The following CAMKMT variants were observed in gnomAD, a reference collection of about 807,000 sequenced individuals.
CAMKMT encodes calmodulin-lysine N-methyltransferase, also known as CaM KMT.
Under a neutral mutation model 48.0 loss-of-function variants are expected in CAMKMT, and 53 were observed. That is an observed-to-expected ratio of 1.10 (90% CI 0.89 to 1.39). The LOEUF is 1.39. Ranked by LOEUF, CAMKMT falls within the 40% of genes most tolerant of loss-of-function variation. CAMKMT has a pLI of 0.00. For synonymous variants in CAMKMT, 165 were observed against 152.3 expected, an observed-to-expected ratio of 1.08 and a Z score of -0.61; for missense variants, 428 against 402.7, an observed-to-expected ratio of 1.06 and a Z score of -0.54.
At chr2:44,552,389 C>T (rs916047237) in intron 3 of CAMKMT, among the ~76,000 whole-genome samples, 1 of 152,070 alleles carries the variant, frequency 6.6e-6, no homozygotes, top group African/African-American at 2.4e-5. Flanking sequence ...ATTTACCTAT[C>T]TAGTGCTTGA....
intron 3 of CAMKMT, among the ~76,000 whole-genome samples, chr2:44,578,936 T>A (rs1669389921): frequency 6.6e-6 from 1 of 152,192 alleles, no homozygotes; most frequent in Non-Finnish European, 1.5e-5. Flanking sequence ...AAAAGTTGAT[T>A]CATTGTGTAT....
At chr2:44,511,616 G>A (rs924762456) in intron 3 of CAMKMT, among the ~76,000 whole-genome samples, 3 of 152,174 alleles carry the variant, frequency 2.0e-5, no homozygotes, top group Non-Finnish European at 4.4e-5. Context: ...TGGCTGACTA[G>A]TATTTCACGT....
At chr2:44,570,514 A>T (rs1009183773) in intron 3 of CAMKMT, among the ~76,000 whole-genome samples, 8 of 152,184 alleles carry the variant, frequency 5.3e-5, no homozygotes, top group Non-Finnish European at 2.9e-5. Context: ...CATAATAGAG[A>T]TATCTGTTCA....
intron 3 of CAMKMT, among the ~76,000 whole-genome samples, chr2:44,408,569 C>A (rs1159888654): frequency 6.6e-6 from 1 of 151,952 alleles, no homozygotes; most frequent in Non-Finnish European, 1.5e-5. Context: ...AAGTGAGTTG[C>A]TCAAGGCCAC....
intron 3 of CAMKMT, among the ~76,000 whole-genome samples, chr2:44,500,572 AT>A (rs1389977850): frequency 1.3e-5 from 2 of 152,102 alleles, no homozygotes; most frequent in Non-Finnish European, 2.9e-5. Flanking sequence ...GATCATAAAA[AT>A]TTGACCCAAG....
At chr2:44,726,437 G>A (rs546121792) in intron 7 of CAMKMT, among the ~76,000 whole-genome samples, 1 of 152,224 alleles carries the variant, frequency 6.6e-6, no homozygotes, top group East Asian at 1.9e-4. Context: ...CTTTTGAGAA[G>A]TGTCCGTTCA....
At chr2:44,522,088 G>T (rs1363192261) in intron 3 of CAMKMT, among the ~76,000 whole-genome samples, 2 of 150,546 alleles carry the variant, frequency 1.3e-5, no homozygotes, top group Non-Finnish European at 3.0e-5. Flanking sequence ...ACTGCAGCCT[G>T]CCCCTCCCAG....
chr2:44,695,307 C>T (rs1023501404), intron 3 of CAMKMT, among the ~76,000 whole-genome samples: 15 of 152,110 alleles, frequency 9.9e-5, no homozygotes, highest in Admixed American at 9.8e-4. Flanking sequence ...ATTAAGGGAA[C>T]ATAAGAACCT....
intron 2 of CAMKMT, among the ~76,000 whole-genome samples, chr2:44,384,097 T>C (rs1680533032): frequency 6.6e-6 from 1 of 152,208 alleles, no homozygotes; most frequent in Admixed American, 6.5e-5. Flanking sequence ...ACCAGCAGTG[T>C]AGAGGTGTTC....
chr2:44,402,124 C>T (rs1028956027), intron 3 of CAMKMT, among the ~76,000 whole-genome samples: 8 of 152,064 alleles, frequency 5.3e-5, no homozygotes, highest in South Asian at 2.1e-4. Flanking sequence ...GTTGGGCGTT[C>T]GAGACCAGCC....
chr2:44,627,859 C>T (rs576705254), intron 3 of CAMKMT, among the ~76,000 whole-genome samples: 1 of 151,666 alleles, frequency 6.6e-6, no homozygotes, highest in East Asian at 1.9e-4. Flanking sequence ...GCCACCACAC[C>T]TGGCTAATTT....
intron 3 of CAMKMT, among the ~76,000 whole-genome samples, chr2:44,656,706 C>T (rs968507885): frequency 3.3e-5 from 5 of 152,008 alleles, no homozygotes. Context: ...CCCCCCCACC[C>T]CACCTTTTTT....
At chr2:44,472,480 A>C (rs1668472960) in intron 3 of CAMKMT, among the ~76,000 whole-genome samples, 1 of 152,208 alleles carries the variant, frequency 6.6e-6, no homozygotes, top group East Asian at 1.9e-4. Flanking sequence ...TAAGGTTCGA[A>C]CTTTTGCATC....
intron 3 of CAMKMT, among the ~76,000 whole-genome samples, chr2:44,533,402 C>A (rs968735767): frequency 6.6e-6 from 1 of 151,690 alleles, no homozygotes; most frequent in African/African-American, 2.4e-5. Flanking sequence ...CCACACCCAG[C>A]TGATTTTTGT....
At chr2:44,602,161 A>G (rs893846796) in intron 3 of CAMKMT, among the ~76,000 whole-genome samples, 4 of 151,824 alleles carry the variant, frequency 2.6e-5, no homozygotes, top group African/African-American at 9.7e-5. Context: ...GCACACCCCC[A>G]CACCTGGCTG....
chr2:44,766,898 T>C (rs887262942), intron 10 of CAMKMT, among the ~76,000 whole-genome samples: 1 of 152,232 alleles, frequency 6.6e-6, no homozygotes, highest in Non-Finnish European at 1.5e-5. Flanking sequence ...AGCTTTTAAG[T>C]AGGTTAAATG....
chr2:44,512,289 T>C (rs1256207024), intron 3 of CAMKMT, among the ~76,000 whole-genome samples: 1 of 152,242 alleles, frequency 6.6e-6, no homozygotes, highest in Non-Finnish European at 1.5e-5. Flanking sequence ...CCTTTCTGTT[T>C]CTCATTTTCT....
At chr2:44,738,675 A>G (rs954134814) in intron 7 of CAMKMT, among the ~76,000 whole-genome samples, 4 of 152,228 alleles carry the variant, frequency 2.6e-5, no homozygotes, top group African/African-American at 9.6e-5. Flanking sequence ...TGTGGTGCTT[A>G]TATTCTAGTG....
Position 44,706,274 on chromosome 2 carries a change from TTC to T in CAMKMT, c.438-7_438-6del. On this transcript the variant is annotated splice_polypyrimidine_tract_variant and intron_variant, in intron 4 of 10. Coordinates refer to ENST00000378494, the MANE Select transcript of CAMKMT (RefSeq NM_024766.5). ...ATTTGTATGGGTTCTACCATTTCTT[TTC>T]TCTCTTTCAGGGCCCTTGCTGTGTG... The T allele has an allele frequency of 6.2e-7, 1 of 1,613,222 alleles. No homozygotes were observed. The highest frequency in any genetic ancestry group is 8.5e-7 in the Non-Finnish European group (1 of 1,179,370).
Sources: allele counts gnomAD v4.1 joint callset (sites outside exome capture counted in the v4.1 genomes callset), GRCh38; gene constraint gnomAD v4.1.1; transcripts MANE v1.5; gene names NCBI Gene and HGNC (gene_info 2026-07-23, HGNC 2026-07-21).